The following CPNE7 variants were observed in gnomAD, a reference collection of about 807,000 sequenced individuals.
The protein encoded by CPNE7 is copine-7.
CPNE7 carries 78 observed loss-of-function variants against 66.5 expected under a neutral mutation model. That is an observed-to-expected ratio of 1.17 (90% CI 0.98 to 1.42). CPNE7 has a LOEUF of 1.42. Among genes scored for constraint, CPNE7 ranks in the 40% most tolerant of loss-of-function variants. The pLI, the probability that CPNE7 is intolerant of heterozygous loss-of-function variation, is 0.00. For synonymous variants in CPNE7, 468 were observed against 336.7 expected (o/e 1.39, Z -4.27); for missense variants, 1,012 against 776.6 (o/e 1.30, Z -3.60).
chr16:89,592,018 T>A (rs2059179928), intron 13 of CPNE7, among the ~76,000 whole-genome samples: 1 of 143,554 alleles, frequency 7.0e-6, no homozygotes, highest in Non-Finnish European at 1.5e-5. Flanking sequence ...TTGTTGTTTT[T>A]TTTTTTTGAG....
chr16:89,582,791 G>A lies in CPNE7; in HGVS notation c.358-906G>A, dbSNP rs1057414767. 3.3e-5 allele frequency among the ~76,000 whole-genome samples: 5 copies of A among 152,346 alleles called. 1 individual carries two copies. ...CAACCTACCTCATTGTGACCTCCCA[G>A]CATCCGCCAGGCAGTAGCAGGTGTG... On this transcript the variant is annotated intron_variant, in intron 2 of 14. Transcript: ENST00000319518.
Position 89,596,769 on chromosome 16 carries a change from G to A in CPNE7, c.*148G>A. On this transcript the variant is annotated 3_prime_UTR_variant, in exon 15 of 15. Transcript: ENST00000319518. Reference sequence around the variant, plus strand: ...CCACTCCCAGTCCTCCTGGGATCCTGCTGGCTTGGGCCCGGCTCTGGGGCC... The same window carrying A: ...CCACTCCCAGTCCTCCTGGGATCCTACTGGCTTGGGCCCGGCTCTGGGGCC... 9.3e-7 allele frequency: 1 copy of A among 1,079,270 alleles called. No homozygotes were observed. The allele number at this position is 1,079,270 out of a possible 1,614,324, so 66.9% of individuals were successfully genotyped here.
At chr16:89,581,292 CAG>C (rs951116029) in intron 2 of CPNE7, among the ~76,000 whole-genome samples, 1 of 140,550 alleles carries the variant, frequency 7.1e-6, no homozygotes, top group African/African-American at 2.5e-5. Flanking sequence ...ACCAGTCACA[CAG>C]AACATCCCGT....
rs985420874 is a variant in CPNE7, at chr16:89,577,647, G to A, written c.283G>A (p.Asp95Asn). The A allele has an allele frequency of 8.8e-6, 14 of 1,591,506 alleles. No homozygotes were observed. The highest frequency in any genetic ancestry group is 4.0e-5 in the African/African-American group (3 of 74,612). The change falls in exon 2 of 15, where the codon GAC becomes AAC. Residue 95 changes from aspartate (D) to asparagine (N), a missense_variant. Coordinates refer to ENST00000319518, the MANE Select transcript of CPNE7 (RefSeq NM_153636.3). ...GCAGAGGCTGCGCTTTGAGGTGTAC[G>A]ACACGCATGGGCCCAGCGGCTTCAG... ...EVQRLRFEVY[D>N]THGPSGFSCQ...
rs777099717 is a variant in CPNE7, at chr16:89,585,554, G to A, written c.681+1G>A. The A allele has an allele frequency of 6.2e-7, 1 of 1,609,816 alleles. No homozygotes were observed. On this transcript the variant is annotated splice_donor_variant, in intron 6 of 14. Coordinates refer to ENST00000319518, the MANE Select transcript of CPNE7 (RefSeq NM_153636.3). LOFTEE classifies it high-confidence loss of function. Reference sequence around the variant, plus strand: ...CTGCGAGGAGACAAGGCCTCTAAAGGTGGGGGACGGGATGGACCAAGGGGG... The same window carrying A: ...CTGCGAGGAGACAAGGCCTCTAAAGATGGGGGACGGGATGGACCAAGGGGG...
intron 2 of CPNE7, among the ~76,000 whole-genome samples, chr16:89,580,893 C>CGGAACATCCCATCACCCGTCACAT (rs1567953398): frequency 7.5e-6 from 1 of 133,648 alleles, no homozygotes; most frequent in Non-Finnish European, 1.6e-5. Context: ...ACCCGTCACA[C>CGGAACATCCCATCACCCGTCACAT]GGAACATCCC....
rs553386533 is a variant in CPNE7, at chr16:89,577,712, C to A, written c.348C>A (p.Thr116=). 1.4e-5 allele frequency: 22 copies of A among 1,593,704 alleles called. No homozygotes were observed. In the African/African-American group the frequency reaches 1.6e-4, roughly 12 times the overall value. The change falls in exon 2 of 15, where the codon ACC becomes ACA. Residue 116 remains threonine (T), a synonymous_variant. Transcript: ENST00000319518. Reference sequence around the variant, plus strand: ...ATTTCCTGGGGGGCATGGAGTGCACCCTGGGGCAGGTGGGTGCCCCGTCCC... The same window carrying A: ...ATTTCCTGGGGGGCATGGAGTGCACACTGGGGCAGGTGGGTGCCCCGTCCC... The part of the protein sequence containing the change: ...EDDFLGGMEC[T]LGQIVAQKKV...
At chr16:89,592,109 C>T (rs138755083) in intron 13 of CPNE7, among the ~76,000 whole-genome samples, 15,833 of 148,728 alleles carry the variant, frequency 0.11, 1,022 homozygotes, top group South Asian at 0.2. Flanking sequence ...CCCAGGTTCG[C>T]GCCATTCTCC....
intron 7 of CPNE7, 77 bp from the exon 8 acceptor site, chr16:89,586,593 G>A (rs1042955476): frequency 1.7e-6 from 2 of 1,207,662 alleles, no homozygotes; most frequent in South Asian, 1.2e-5. Flanking sequence ...CGCTATTGGG[G>A]ATGGTCTTGG....
At chr16:89,577,153 T>C (rs1430120165) in intron 1 of CPNE7, among the ~76,000 whole-genome samples, 7 of 152,146 alleles carry the variant, frequency 4.6e-5, no homozygotes, top group Non-Finnish European at 5.9e-5. Flanking sequence ...GAGCCCATGG[T>C]ACCCCAGCCA....
chr16:89,577,407 G>C, intron 1 of CPNE7, 132 bp from the exon 2 acceptor site: 4 of 892,744 alleles, frequency 4.5e-6, no homozygotes, highest in East Asian at 2.7e-5. Context: ...ACAGAGAGCA[G>C]GCAGGAGGTC....
intron 5 of CPNE7, 60 bp from the exon 6 acceptor site, chr16:89,585,404 T>TC (rs778439128): frequency 1.5e-4 from 176 of 1,199,146 alleles, no homozygotes; most frequent in Middle Eastern, 2.4e-4. Context: ...CAGGTCTCTA[T>TC]CCCCCCCAAG....
At chr16:89,588,164 C>T (rs111684510) in intron 9 of CPNE7, among the ~76,000 whole-genome samples, 72 of 80,394 alleles carry the variant, frequency 9.0e-4, no homozygotes, top group South Asian at 7.1e-3. Flanking sequence ...GCCCCCGTGT[C>T]ACCCGCGTGT....
intron 11 of CPNE7, among the ~76,000 whole-genome samples, chr16:89,590,579 G>C (rs2059152010): frequency 6.6e-6 from 1 of 151,300 alleles, no homozygotes; most frequent in African/African-American, 2.4e-5. Context: ...CAGAAAAAAT[G>C]GTGTGTGGGG....
chr16:89,591,199 C>T lies in CPNE7; in HGVS notation c.1241C>T (p.Ala414Val), dbSNP rs945662312. ...CAGCTCTACGGCCCCACCAACGTGGCGCCCATCATCTCCAAGGTGGCACGC... is the reference window on the plus strand; with the variant it reads ...CAGCTCTACGGCCCCACCAACGTGGTGCCCATCATCTCCAAGGTGGCACGC... ...RVQLYGPTNV[A>V]PIISKVARVA... Residue 414 changes from alanine (A) to valine (V), a missense_variant, in exon 13 of 15, where the codon GCG (alanine) becomes GTG (valine). By Grantham distance (64) the Ala-to-Val change is moderately conservative. Transcript: ENST00000319518. The T allele has an allele frequency of 7.5e-6, 12 of 1,597,170 alleles. No individual in the cohort carries two copies. The highest frequency in any genetic ancestry group is 1.7e-4 in the Middle Eastern group (1 of 6,054).
chr16:89,576,552 C>T (rs1032697824), intron 1 of CPNE7, among the ~76,000 whole-genome samples: 1 of 152,182 alleles, frequency 6.6e-6, no homozygotes, highest in Non-Finnish European at 1.5e-5. Context: ...GGGTCTCAAG[C>T]GAACCCGCTG....
chr16:89,581,165 TCA>T (rs1335325972), intron 2 of CPNE7, among the ~76,000 whole-genome samples: 1 of 149,626 alleles, frequency 6.7e-6, no homozygotes, highest in Non-Finnish European at 1.5e-5. Context: ...CCGTCACCCG[TCA>T]CACGGAACAT....
chr16:89,575,987 C>A lies in CPNE7; in HGVS notation c.90C>A (p.Cys30Ter), dbSNP rs1287629429. 7.3e-7 allele frequency: 1 copy of A among 1,378,106 alleles called. No individual in the cohort carries two copies. The highest frequency in any genetic ancestry group is 3.2e-5 in the Admixed American group (1 of 31,694). 85.4% of individuals were successfully genotyped at this position (1,378,106 alleles called of 1,614,324 possible). ...CASKVELRLS[C>*]RHLLDRDPLT... is the part of the protein sequence containing the mutation. ...CGAAGGTGGAGCTGCGGCTCAGCTG[C>A]CGGCACCTGCTGGACCGCGACCCGC... Residue 30 changes from cysteine to a stop codon, truncating the protein, a stop_gained, in exon 1 of 15, where the codon TGC becomes TGA. Coordinates refer to ENST00000319518, the MANE Select transcript of CPNE7 (RefSeq NM_153636.3). LOFTEE classifies it high-confidence loss of function.
intron 13 of CPNE7, among the ~76,000 whole-genome samples, chr16:89,593,600 C>G (rs943009342): frequency 2.0e-5 from 3 of 152,170 alleles, no homozygotes; most frequent in African/African-American, 7.2e-5. Context: ...GATCCGCCCA[C>G]CTCGGCCTCC....
Sources: allele counts gnomAD v4.1 joint callset (sites outside exome capture counted in the v4.1 genomes callset), GRCh38; gene constraint gnomAD v4.1.1; transcripts MANE v1.5; gene names NCBI Gene and HGNC (gene_info 2026-07-23, HGNC 2026-07-21).